ARHGAP32: variants seen among roughly 807,000 people sequenced by gnomAD.
ARHGAP32 encodes Rho GTPase activating protein 32, also known as rho GTPase-activating protein 32.
In ARHGAP32, 51 loss-of-function variants were observed where a neutral mutation model predicts 186.5. The observed-to-expected ratio is 0.27, with a 90% CI of 0.22 to 0.35. ARHGAP32 has a LOEUF of 0.35. ARHGAP32 is among the 10% of genes least tolerant of loss of function. ARHGAP32 has a pLI of 1.00. For synonymous variants in ARHGAP32, 950 were observed against 964.3 expected, an observed-to-expected ratio of 0.99 and a Z score of 0.27; for missense variants, 2,186 against 2,623.5, an observed-to-expected ratio of 0.83 and a Z score of 3.64.
intron 1 of ARHGAP32, among the ~76,000 whole-genome samples, chr11:129,184,352 A>G (rs1944113836): frequency 6.6e-6 from 1 of 152,148 alleles, no homozygotes; most frequent in Non-Finnish European, 1.5e-5. Flanking sequence ...CAGTCAGAAT[A>G]AAACAGAACA....
intron 10 of ARHGAP32, among the ~76,000 whole-genome samples, chr11:129,049,139 C>T (rs1246356338): frequency 2.0e-5 from 3 of 151,874 alleles, no homozygotes; most frequent in Admixed American, 6.6e-5. Flanking sequence ...GAAAAGCATT[C>T]GCCTGTATAC....
At chr11:129,205,800 A>G (rs922726537) in intron 1 of ARHGAP32, among the ~76,000 whole-genome samples, 22 of 152,198 alleles carry the variant, frequency 1.4e-4, no homozygotes, top group African/African-American at 5.3e-4. Context: ...GTTTTTCAAT[A>G]TATATGCTAG....
At chr11:129,137,238 T>C (rs1942957214) in intron 2 of ARHGAP32, among the ~76,000 whole-genome samples, 1 of 151,004 alleles carries the variant, frequency 6.6e-6, no homozygotes, top group African/African-American at 2.4e-5. Context: ...TTAAAAAAAA[T>C]GGGAAGATAA....
In ARHGAP32 at chr11:129,182,277, AAAAC is replaced by A. The variant is rs574225602; in HGVS notation, c.116+9802_116+9805del. Among the ~76,000 whole-genome samples the A allele has an allele frequency of 1.7e-3, 261 of 152,248 alleles. 3 individuals are homozygous for A. Among genetic ancestry groups the A allele is most frequent in the Middle Eastern group, 3.4e-3 (1 of 294 alleles). ...TCTATATATGTACAAATATATCTGA[AAAAC>A]AAATTTTCTACAGTAAAAAAAATAT... On this transcript the variant is annotated intron_variant, in intron 1 of 22. Transcript: ENST00000682385.
chr11:129,257,308 C>G (rs778775705), intron 1 of ARHGAP32, among the ~76,000 whole-genome samples: 2 of 152,062 alleles, frequency 1.3e-5, no homozygotes, highest in Non-Finnish European at 2.9e-5. Context: ...CTCTGTGGTA[C>G]AAGTCTGGGA....
At chr11:129,220,144 T>C (rs1944693998) in intron 1 of ARHGAP32, among the ~76,000 whole-genome samples, 1 of 152,162 alleles carries the variant, frequency 6.6e-6, no homozygotes, top group African/African-American at 2.4e-5. Context: ...ATCTGAAACA[T>C]TCTCCAGAAT....
intron 2 of ARHGAP32, among the ~76,000 whole-genome samples, chr11:129,126,343 G>A (rs1296738212): frequency 6.6e-6 from 1 of 152,058 alleles, no homozygotes; most frequent in East Asian, 1.9e-4. Context: ...CATCCAACAA[G>A]GTAAAGTTCG....
intron 1 of ARHGAP32, among the ~76,000 whole-genome samples, chr11:129,184,206 C>T (rs931434712): frequency 6.6e-6 from 1 of 152,002 alleles, no homozygotes; most frequent in Non-Finnish European, 1.5e-5. Context: ...GACTAGGGCT[C>T]CTAATGTGGG....
At chr11:128,989,804 T>C (rs1362202824) in intron 12 of ARHGAP32, among the ~76,000 whole-genome samples, 2 of 151,540 alleles carry the variant, frequency 1.3e-5, no homozygotes, top group African/African-American at 4.9e-5. Flanking sequence ...AGTGAGAACA[T>C]GTGGTGTTTG....
chr11:129,165,355 G>A (rs1285399127), intron 1 of ARHGAP32, among the ~76,000 whole-genome samples: 3 of 151,538 alleles, frequency 2.0e-5, no homozygotes, highest in African/African-American at 7.3e-5. Flanking sequence ...CAAGATGGAG[G>A]AGCACTGAAA....
At position 128,970,361 on chromosome 11, in the gene ARHGAP32, C is replaced by T; in HGVS notation, c.4852G>A (p.Val1618Ile). The T allele has an allele frequency of 6.2e-7, 1 of 1,614,166 alleles. No homozygotes were observed. Among genetic ancestry groups the T allele is most frequent in the East Asian group, 2.2e-5 (1 of 44,884 alleles). ...TAGGCTGGCTCATCATCTGGGGGAA[C>T]TTCTGTCCGTGAAATGGGAACAGAG... ...IRSVPISRTE[V>I]PPDDEPAYCP... The change falls in exon 23 of 23, where the codon GTT becomes ATT. Residue 1618 changes from valine to isoleucine, a missense_variant. Physicochemically the swap from Val to Ile is conservative, Grantham distance 29 (BLOSUM62 3). Transcript: ENST00000682385. This position sits in a 1 kb window ranked among gnomAD's most constrained non-coding sequence, Gnocchi z 5.8.
In ARHGAP32 at chr11:128,967,651, G is replaced by A. The variant is rs1221122930; in HGVS notation, c.*1256C>T. 1 of 152,120 alleles carries A rather than the reference G, an allele frequency of 6.6e-6. No individual in the cohort carries two copies. Among genetic ancestry groups the A allele is most frequent in the Non-Finnish European group, 1.5e-5 (1 of 68,028 alleles). The allele number at this position is 152,120 out of a possible 1,614,324, so 9.4% of individuals were successfully genotyped here. A position where few individuals can be genotyped will look rare whatever the true frequency, so the allele number is the denominator to read the frequency against. ...AAAGAGCTATACCTGAAATGCTGGT[G>A]TAGATGGTAATTACAAGAAGACTGT... On this transcript the variant is annotated 3_prime_UTR_variant, in exon 23 of 23. Transcript: ENST00000682385.
In ARHGAP32 at chr11:129,003,597, T is replaced by C. The variant is rs1029450989; in HGVS notation, c.1046-5129A>G. Among the ~76,000 whole-genome samples, 8 of 152,322 alleles carry C rather than the reference T, an allele frequency of 5.3e-5. No homozygotes were observed. The East Asian group carries it at 1.5e-3, about 29-fold the overall frequency. On this transcript the variant is annotated intron_variant, in intron 11 of 22. Transcript: ENST00000682385. ...TCTGTTCAGGTTTTGGATTTCTTCA[T>C]GGTTTGATCTTGGTAGGCTGAACAT...
intron 1 of ARHGAP32, among the ~76,000 whole-genome samples, chr11:129,277,535 T>G (rs984241920): frequency 2.6e-5 from 4 of 152,236 alleles, no homozygotes; most frequent in Non-Finnish European, 4.4e-5. Context: ...CCCACCTCAA[T>G]GTGAACGATC....
chr11:129,050,853 C>G (rs1218890879), intron 10 of ARHGAP32, among the ~76,000 whole-genome samples: 1 of 152,178 alleles, frequency 6.6e-6, no homozygotes, highest in Non-Finnish European at 1.5e-5. Flanking sequence ...CATGTGTTCT[C>G]ACTGTTCAAC....
In ARHGAP32 at chr11:128,970,951, C is replaced by T. The variant is rs764254097; in HGVS notation, c.4262G>A (p.Cys1421Tyr). 1 of 1,613,952 alleles carries T rather than the reference C, an allele frequency of 6.2e-7. No homozygotes were observed. Among genetic ancestry groups the T allele is most frequent in the South Asian group, 1.1e-5 (1 of 91,080 alleles). The change falls in exon 23 of 23, where the codon TGT (cysteine) becomes TAT (tyrosine). Residue 1421 changes from cysteine to tyrosine, a missense_variant. By Grantham distance (194) the Cys-to-Tyr change is radical (BLOSUM62 -2). Coordinates refer to ENST00000682385, the MANE Select transcript of ARHGAP32 (RefSeq NM_001378024.1). The surrounding 1 kb of genome is among the most constrained non-coding windows in gnomAD (Gnocchi z 5.8). Reference protein sequence around the residue: ...LRAESVPAHPCGFPAPLPPTR... With the variant: ...LRAESVPAHPYGFPAPLPPTR... ...GGGGGGCAGTGGTGCAGGAAAGCCA[C>T]AGGGATGCGCAGGGACAGACTCGGC...
At chr11:129,198,585 G>A (rs1031093735) in intron 1 of ARHGAP32, among the ~76,000 whole-genome samples, 1 of 152,174 alleles carries the variant, frequency 6.6e-6, no homozygotes, top group Non-Finnish European at 1.5e-5. Context: ...TGCCATGTAA[G>A]ATGTCCCTTT....
In ARHGAP32 at chr11:129,213,203, T is replaced by C. The variant is rs56848860; in HGVS notation, c.-4-48776A>G. 3.3e-4 allele frequency among the ~76,000 whole-genome samples: 51 copies of C among 152,288 alleles called. No homozygotes were observed. In the East Asian group the frequency reaches 9.7e-3, roughly 29 times the overall value. Reference sequence around the variant, plus strand: ...AAATGATATAAACTAAGATACAGCGTAATCAAGAGATGTCCCCAAGTCACT... The same window carrying C: ...AAATGATATAAACTAAGATACAGCGCAATCAAGAGATGTCCCCAAGTCACT... On this transcript the variant is annotated intron_variant, in intron 1 of 6. Transcript: ENST00000525234.
At chr11:129,119,392 T>C (rs549337818) in intron 5 of ARHGAP32, among the ~76,000 whole-genome samples, 1 of 151,982 alleles carries the variant, frequency 6.6e-6, no homozygotes, top group Admixed American at 6.6e-5. Flanking sequence ...TAAATACTCA[T>C]AAGGAATATA....
Sources: gnomAD v4.1 joint callset for allele counts (sites outside exome capture counted in the v4.1 genomes callset) on GRCh38, gnomAD v4.1.1 for gene constraint, Gnocchi (gnomAD v3.1) non-coding constraint, MANE v1.5 for transcripts, NCBI Gene and HGNC (gene_info 2026-07-23, HGNC 2026-07-21) for gene names.